Variants in ADAMTS6 observed in about 807,000 individuals in gnomAD.
The protein encoded by ADAMTS6 is ADAM metallopeptidase with thrombospondin type 1 motif 6, also known as A disintegrin and metalloproteinase with thrombospondin motifs 6.
Under a neutral mutation model 144.3 loss-of-function variants are expected in ADAMTS6, and 23 were observed. The ratio of observed to expected loss-of-function variants is 0.16; its 90% CI spans 0.11 to 0.23. ADAMTS6 has a LOEUF of 0.23. Ranked by LOEUF, ADAMTS6 falls within the 10% of genes least tolerant of loss-of-function variation. The pLI is 1.00. For synonymous variants in ADAMTS6, 444 were observed against 457.5 expected, an observed-to-expected ratio of 0.97 and a Z score of 0.38; for missense variants, 999 against 1,379.6, an observed-to-expected ratio of 0.72 and a Z score of 4.37.
At chr5:65,461,660 G>A (rs1353170469) in intron 3 of ADAMTS6, among the ~76,000 whole-genome samples, 73 of 152,182 alleles carry the variant, frequency 4.8e-4, no homozygotes, top group Non-Finnish European at 5.9e-5. Flanking sequence ...ACAGCACTCT[G>A]GGGAGCCCTA....
intron 7 of ADAMTS6, among the ~76,000 whole-genome samples, chr5:65,429,040 C>G (rs952796107): frequency 6.6e-6 from 1 of 152,174 alleles, no homozygotes; most frequent in Non-Finnish European, 1.5e-5. Context: ...ACAGGAAGAT[C>G]TCTCTGATCT....
chr5:65,172,053 A>G (rs1753660017), intron 23 of ADAMTS6, among the ~76,000 whole-genome samples: 1 of 73,448 alleles, frequency 1.4e-5, no homozygotes, highest in African/African-American at 6.3e-5. Context: ...GCCCTGTTGG[A>G]TTTGTTTGCA....
At chr5:65,386,834 G>T (rs1016434553) in intron 7 of ADAMTS6, among the ~76,000 whole-genome samples, 1 of 152,140 alleles carries the variant, frequency 6.6e-6, no homozygotes, top group Admixed American at 6.5e-5. Flanking sequence ...TGATCCATTC[G>T]CCTCGGCCTC....
At chr5:65,451,692 C>G in intron 6 of ADAMTS6, 72 bp from the exon 7 acceptor site, 2 of 1,544,344 alleles carry the variant, frequency 1.3e-6, no homozygotes, top group Non-Finnish European at 1.8e-6. Context: ...CTTTTGAAGA[C>G]TGAAGTGGGA....
At chr5:65,359,972 TAA>T (rs1749677941) in intron 7 of ADAMTS6, among the ~76,000 whole-genome samples, 1 of 152,188 alleles carries the variant, frequency 6.6e-6, no homozygotes, top group African/African-American at 2.4e-5. Flanking sequence ...TAAAAATTGC[TAA>T]GAGAGTATAT....
At chr5:65,249,692 G>C (rs1759980482) in intron 14 of ADAMTS6, among the ~76,000 whole-genome samples, 1 of 152,224 alleles carries the variant, frequency 6.6e-6, no homozygotes, top group Admixed American at 6.5e-5. Context: ...TTCACCACTG[G>C]TAACTCGCAT....
chr5:65,371,666 AG>A (rs1249479936), intron 7 of ADAMTS6, among the ~76,000 whole-genome samples: 9 of 152,030 alleles, frequency 5.9e-5, no homozygotes, highest in African/African-American at 2.2e-4. Flanking sequence ...GAAAGTGACG[AG>A]GAGAATGGAA....
In ADAMTS6 at chr5:65,214,678, A is replaced by G; in HGVS notation, c.2575+116T>C. 2 of 1,493,774 alleles carry G rather than the reference A, an allele frequency of 1.3e-6. No homozygotes were observed. Among genetic ancestry groups the G allele is most frequent in the East Asian group, 2.3e-5 (1 of 44,060 alleles). 92.5% of individuals were successfully genotyped at this position (1,493,774 alleles called of 1,614,324 possible). A position where few individuals can be genotyped will look rare whatever the true frequency, so the allele number is the denominator to read the frequency against. On this transcript the variant is annotated intron_variant, in intron 20 of 24. Coordinates refer to ENST00000381055, the MANE Select transcript of ADAMTS6 (RefSeq NM_197941.4). The surrounding 1 kb of genome is among the most constrained non-coding windows in gnomAD (Gnocchi z 4.6). ...TTTCTTTTGCTAAATTACAGCTTGAAGCAAACCTGCAAGAAATGTTTCCAA... is the reference window on the plus strand; with the variant it reads ...TTTCTTTTGCTAAATTACAGCTTGAGGCAAACCTGCAAGAAATGTTTCCAA...
chr5:65,298,051 T>C (rs1220313959), intron 10 of ADAMTS6, among the ~76,000 whole-genome samples: 1 of 152,204 alleles, frequency 6.6e-6, no homozygotes. Flanking sequence ...GAACACTTTA[T>C]TGAAACTAGT....
intron 22 of ADAMTS6, among the ~76,000 whole-genome samples, chr5:65,185,437 G>C (rs1197580301): frequency 6.6e-6 from 1 of 152,206 alleles, no homozygotes; most frequent in Non-Finnish European, 1.5e-5. Context: ...AGTAACAGCA[G>C]CAGTTTTCGA....
Position 65,304,520 on chromosome 5 carries a change from C to T in ADAMTS6, c.1224-4389G>A, listed in dbSNP as rs577017668. On this transcript the variant is annotated intron_variant, in intron 9 of 24. Transcript: ENST00000381055. ...CAATCATGGCTCACTGCAGCCTCGA[C>T]CTCCTGTGCTCAAGCAGTCCTCCCA... Among the ~76,000 whole-genome samples the T allele has an allele frequency of 2.0e-5, 3 of 152,238 alleles. No individual in the cohort carries two copies. The South Asian group carries it at 6.2e-4, about 32-fold the overall frequency.
At chr5:65,407,520 G>A (rs1338932365) in intron 7 of ADAMTS6, among the ~76,000 whole-genome samples, 1 of 124,926 alleles carries the variant, frequency 8.0e-6, no homozygotes, top group Non-Finnish European at 1.6e-5. Flanking sequence ...CCCGGTGTGT[G>A]ATGTTCCCCT....
intron 11 of ADAMTS6, among the ~76,000 whole-genome samples, chr5:65,287,244 T>G (rs1741764492): frequency 6.6e-6 from 1 of 152,106 alleles, no homozygotes; most frequent in Middle Eastern, 3.2e-3. Context: ...AAAAAATGAC[T>G]TTAGAGAAGG....
chr5:65,415,206 C>T (rs1331185160), intron 7 of ADAMTS6: 2 of 152,220 alleles, frequency 1.3e-5, no homozygotes, highest in Admixed American at 1.3e-4. Flanking sequence ...AGAAGATATA[C>T]ACATGGCCAA....
At chr5:65,455,677 T>A (rs1190230592) in intron 4 of ADAMTS6, among the ~76,000 whole-genome samples, 1 of 151,242 alleles carries the variant, frequency 6.6e-6, no homozygotes, top group Non-Finnish European at 1.5e-5. Context: ...GTGGCACACA[T>A]CTGTAGTCCC....
At chr5:65,225,513 A>T (rs1412745940) in intron 16 of ADAMTS6, among the ~76,000 whole-genome samples, 3 of 152,196 alleles carry the variant, frequency 2.0e-5, no homozygotes, top group Admixed American at 2.0e-4. Context: ...ATTATGTTAC[A>T]ATCATACACA....
intron 9 of ADAMTS6, among the ~76,000 whole-genome samples, chr5:65,319,368 G>A (rs905851333): frequency 5.9e-5 from 9 of 151,396 alleles, no homozygotes; most frequent in Non-Finnish European, 1.2e-4. Flanking sequence ...ATAATAAGGA[G>A]TAGACAATGA....
At chr5:65,196,547 A>AAAAAAAAAAG in intron 21 of ADAMTS6, among the ~76,000 whole-genome samples, 1 of 143,986 alleles carries the variant, frequency 6.9e-6, no homozygotes, top group African/African-American at 2.6e-5. Flanking sequence ...AAAAAAAAAA[A>AAAAAAAAAAG]AAAAAGAGGT....
chr5:65,420,903 C>T (rs1003290714), intron 7 of ADAMTS6, among the ~76,000 whole-genome samples: 4 of 151,488 alleles, frequency 2.6e-5, no homozygotes, highest in East Asian at 1.9e-4. Context: ...ATCAATAGGC[C>T]ATTTAAAGAA....
Sources: allele counts gnomAD v4.1 joint callset (sites outside exome capture counted in the v4.1 genomes callset), GRCh38; gene constraint gnomAD v4.1.1; non-coding constraint Gnocchi (gnomAD v3.1); transcripts MANE v1.5; gene names NCBI Gene and HGNC (gene_info 2026-07-23, HGNC 2026-07-21).